HBP1: variants seen among roughly 807,000 people sequenced by gnomAD.
The protein encoded by HBP1 is HMG-box transcription factor 1.
In HBP1, 20 loss-of-function variants were observed where a neutral mutation model predicts 62.6. That is an observed-to-expected ratio of 0.32 (90% confidence interval 0.22 to 0.46). The LOEUF (loss-of-function observed/expected upper bound fraction) is 0.46, where lower values mean the gene tolerates loss of function less well. Among genes scored for constraint, HBP1 ranks in the 20% least tolerant of loss-of-function variants. The pLI, the probability that HBP1 is intolerant of heterozygous loss-of-function variation, is 1.00. For missense variants in HBP1, 480 were observed against 611.8 expected, an observed-to-expected ratio of 0.78 and a Z score of 2.27; for synonymous variants, 232 against 206.2, an observed-to-expected ratio of 1.12 and a Z score of -1.07.
rs1361609045 is a variant in HBP1, at chr7:107,171,065, A to AT, written c.-16+1881dup. 2.5e-4 allele frequency among the ~76,000 whole-genome samples: 17 copies of AT among 66,760 alleles called. No homozygotes were observed. In the East Asian group the frequency reaches 3.1e-3, roughly 12 times the overall value. The allele number at this position is 66,760 out of a possible 152,430, so 43.8% of individuals were successfully genotyped here. On this transcript the variant is annotated intron_variant, in intron 1 of 10. Coordinates refer to ENST00000222574, the MANE Select transcript of HBP1 (RefSeq NM_012257.4). ...TGTATAAATATATATATATATATAT[A>AT]TATATATATTTTTTTTTTTTTTTGA...
At chr7:107,178,418 GT>G (rs1367093800) in intron 1 of HBP1, among the ~76,000 whole-genome samples, 1 of 146,944 alleles carries the variant, frequency 6.8e-6, no homozygotes, top group Non-Finnish European at 1.5e-5. Flanking sequence ...TGTCCAAAGG[GT>G]GAAATAAAAG....
chr7:107,175,204 T>TA (rs1562884949), intron 1 of HBP1, among the ~76,000 whole-genome samples: 3 of 146,900 alleles, frequency 2.0e-5, no homozygotes, highest in Non-Finnish European at 4.6e-5. Flanking sequence ...CAGACCTCTT[T>TA]TAAAAAAAAA....
At chr7:107,171,990 A>G (rs1305061548) in intron 1 of HBP1, among the ~76,000 whole-genome samples, 11 of 152,156 alleles carry the variant, frequency 7.2e-5, no homozygotes, top group Non-Finnish European at 4.4e-5. Context: ...AGATACCTGC[A>G]TATCACAAAA....
At chr7:107,174,179 G>C (rs529636339) in intron 1 of HBP1, among the ~76,000 whole-genome samples, 1 of 152,326 alleles carries the variant, frequency 6.6e-6, no homozygotes, top group South Asian at 2.1e-4. Context: ...GTGAGTCTGA[G>C]ATTGAGTGAG....
At chr7:107,192,297 T>C (rs1180225096) in intron 8 of HBP1, among the ~76,000 whole-genome samples, 1 of 152,034 alleles carries the variant, frequency 6.6e-6, no homozygotes, top group Non-Finnish European at 1.5e-5. Context: ...ATCCAAGTTC[T>C]AGAAATTAGT....
chr7:107,184,840 G>A (rs1797279288), intron 3 of HBP1, among the ~76,000 whole-genome samples: 1 of 152,118 alleles, frequency 6.6e-6, no homozygotes, highest in South Asian at 2.1e-4. Flanking sequence ...AAGAGTATTA[G>A]TACAGACATG....
In HBP1 at chr7:107,180,034, T is replaced by C. The variant is rs2115842301; in HGVS notation, c.141T>C (p.Tyr47=). The change falls in exon 2 of 11, where the codon TAT becomes TAC. Residue 47 remains tyrosine, a synonymous_variant. Transcript: ENST00000222574. ...AGAATTTGCCATCTTCACCTGGATATAACTCCTGTGATGAACACATGGAGC... is the reference window on the plus strand; with the variant it reads ...AGAATTTGCCATCTTCACCTGGATACAACTCCTGTGATGAACACATGGAGC... ...CNENLPSSPG[Y]NSCDEHMELD... is the part of the protein sequence containing the mutation. 6.3e-7 allele frequency: 1 copy of C among 1,599,910 alleles called. No homozygotes were observed. Among genetic ancestry groups the C allele is most frequent in the Non-Finnish European group, 8.6e-7 (1 of 1,168,176 alleles).
intron 9 of HBP1, among the ~76,000 whole-genome samples, chr7:107,197,401 C>T (rs1371217773): frequency 6.6e-6 from 1 of 152,150 alleles, no homozygotes; most frequent in Non-Finnish European, 1.5e-5. Context: ...GGCGGAGTCT[C>T]ACTGTCATCC....
chr7:107,190,710 T>C (rs962321455), intron 8 of HBP1, among the ~76,000 whole-genome samples: 1 of 152,024 alleles, frequency 6.6e-6, no homozygotes, highest in Non-Finnish European at 1.5e-5. Flanking sequence ...TTTCTTGATA[T>C]AATAGTTAAC....
intron 10 of HBP1, 79 bp from the exon 11 acceptor site, chr7:107,201,335 T>G: frequency 1.2e-6 from 1 of 829,216 alleles, no homozygotes; most frequent in South Asian, 1.6e-5. Flanking sequence ...ATAAACATCT[T>G]ATACATCTTA....
chr7:107,170,230 C>A, intron 1 of HBP1: 1 of 598,092 alleles, frequency 1.7e-6, no homozygotes, highest in Non-Finnish European at 2.1e-6. Flanking sequence ...TACTGGGAAG[C>A]GATGGAGTCC....
intron 1 of HBP1, among the ~76,000 whole-genome samples, chr7:107,175,860 G>T (rs1047859162): frequency 1.1e-4 from 17 of 151,940 alleles, no homozygotes; most frequent in Admixed American, 8.5e-4. Context: ...GGGACTACAG[G>T]CGCCCGCCAC....
chr7:107,192,783 A>G (rs189375194), intron 8 of HBP1: 3 of 152,302 alleles, frequency 2.0e-5, no homozygotes, highest in South Asian at 2.1e-4. Context: ...AGTGACTTCA[A>G]TATAACAGCA....
rs1797159846 is a variant in HBP1, at chr7:107,182,542, A to G, written c.339A>G (p.Glu113=). ...YRENEVDWLT[E]LANIATSPQS... The stretch of plus-strand genomic sequence containing the variant: ...AAAATGAGGTGGACTGGCTAACAGA[A>G]TTGGCAAATATCGCGACCAGTCCAC... The change falls in exon 3 of 11, where the codon GAA becomes GAG. Residue 113 remains glutamate (E), a synonymous_variant. Coordinates refer to ENST00000222574, the MANE Select transcript of HBP1 (RefSeq NM_012257.4). 2 of 1,613,744 alleles carry G rather than the reference A, an allele frequency of 1.2e-6. No homozygotes were observed. Among genetic ancestry groups the G allele is most frequent in the African/African-American group, 2.7e-5 (2 of 75,058 alleles).
intron 2 of HBP1, 59 bp downstream of exon 2, chr7:107,180,121 T>C: frequency 9.1e-7 from 1 of 1,095,728 alleles, no homozygotes; most frequent in Non-Finnish European, 1.3e-6. Flanking sequence ...ATTTTTCTAC[T>C]TAGCCCGCTT....
chr7:107,170,284 C>G (rs1026762879), intron 1 of HBP1, among the ~76,000 whole-genome samples: 1 of 152,164 alleles, frequency 6.6e-6, no homozygotes, highest in African/African-American at 2.4e-5. Context: ...TAATACTTCC[C>G]TCTGAATAGC....
rs538228432 is a variant in HBP1, at chr7:107,190,397, T to C, written c.1067+80T>C. On this transcript the variant is annotated intron_variant, in intron 8 of 10. Coordinates refer to ENST00000222574, the MANE Select transcript of HBP1 (RefSeq NM_012257.4). ...TCCCTAATGATGGTTAAGTCAGATA[T>C]TTAGGAAGTTCAGTCTTTAAAGATT... The C allele has an allele frequency of 1.5e-5, 13 of 887,168 alleles. No individual in the cohort carries two copies. The South Asian group carries it at 2.0e-4, about 14-fold the overall frequency. The allele number at this position is 887,168 out of a possible 1,614,324, so 55.0% of individuals were successfully genotyped here.
At chr7:107,169,840 C>G in intron 1 of HBP1, 2 of 984,074 alleles carry the variant, frequency 2.0e-6, no homozygotes, top group Non-Finnish European at 2.4e-6. Flanking sequence ...CGATGAATGG[C>G]GAAAGAGGGT....
intron 1 of HBP1, among the ~76,000 whole-genome samples, chr7:107,169,485 G>A (rs1434955785): frequency 2.0e-5 from 3 of 149,020 alleles, no homozygotes; most frequent in Non-Finnish European, 4.5e-5. Context: ...CGGGCCGGGT[G>A]TGGAGATGGG....
Sources: allele counts gnomAD v4.1 joint callset (sites outside exome capture counted in the v4.1 genomes callset), GRCh38; gene constraint gnomAD v4.1.1; transcripts MANE v1.5; gene names NCBI Gene and HGNC (gene_info 2026-07-23, HGNC 2026-07-21).